The following FAM107A variants were observed in gnomAD, a reference collection of about 807,000 sequenced individuals.
FAM107A encodes the protein family with sequence similarity 107 member A.
In FAM107A, 19 loss-of-function variants were observed where a neutral mutation model predicts 13.7. That is an observed-to-expected ratio of 1.38 (90% CI 0.97 to 2.03). FAM107A has a LOEUF of 2.03. Ranked by LOEUF, FAM107A falls within the 30% of genes most tolerant of loss-of-function variation. The probability of loss-of-function intolerance (pLI) is 0.00; values close to 1 mark genes in which losing one functional copy is unlikely to be tolerated. For synonymous variants in FAM107A, 82 were observed against 74.5 expected (o/e 1.10, Z -0.52); for missense variants, 203 against 184.4 (o/e 1.10, Z -0.58).
At chr3:58,572,532 T>C (rs931742521) in intron 1 of FAM107A, among the ~76,000 whole-genome samples, 2 of 152,016 alleles carry the variant, frequency 1.3e-5, no homozygotes, top group Non-Finnish European at 1.5e-5. Flanking sequence ...CAAAAAGACA[T>C]AGTGTGCTGG....
chr3:58,627,042 G>A (rs1439457470), intron 1 of FAM107A: 4 of 1,531,278 alleles, frequency 2.6e-6, no homozygotes, highest in East Asian at 4.9e-5. Context: ...GGCCAGGCTG[G>A]GGTCCTCCCT....
intron 1 of FAM107A, among the ~76,000 whole-genome samples, chr3:58,622,298 G>A (rs897723746): frequency 3.3e-5 from 5 of 152,164 alleles, no homozygotes; most frequent in Non-Finnish European, 5.9e-5. Context: ...AAAATTAGCT[G>A]GGCGTGGTGA....
exon 1 of FAM107A, chr3:58,627,602 C>T (rs4681879): frequency 0.48 from 72,781 of 152,364 alleles, 18,284 homozygotes; most frequent in South Asian, 0.63. Flanking sequence ...CAGACTCCTT[C>T]ATTCAACTGG....
rs563886682 is a variant in FAM107A at position 58,595,445 on chromosome 3, A to G, written c.-69-6176T>C. On this transcript the variant is annotated intron_variant, in intron 1 of 3. Transcript: ENST00000465970. ...CTGCCCCACCTTAACTGATCAATTG[A>G]TCTTATGACAATACACCCTCCCTGC... 3.3e-5 allele frequency among the ~76,000 whole-genome samples: 5 copies of G among 152,228 alleles called. No individual in the cohort carries two copies. In the South Asian group the frequency reaches 1.0e-3, roughly 32 times the overall value.
At chr3:58,614,497 T>C (rs1383904825) in intron 1 of FAM107A, among the ~76,000 whole-genome samples, 1 of 145,544 alleles carries the variant, frequency 6.9e-6, no homozygotes, top group African/African-American at 2.8e-5. Flanking sequence ...TTCTTATCTT[T>C]CTTTCTTTCT....
Position 58,626,068 on chromosome 3 carries a change from G to A in FAM107A, c.-70+1348C>T, listed in dbSNP as rs375552270. Among the ~76,000 whole-genome samples the A allele has an allele frequency of 2.0e-5, 3 of 152,148 alleles. 1 individual carries two copies. Among genetic ancestry groups the A allele is most frequent in the South Asian group, 4.1e-4 (2 of 4,820 alleles). Reference sequence around the variant, plus strand: ...GAGGTCCAGAGGGGTTCAGGTCATCGCCACGGTAGGTGGGTGGTGGATCTG... The same window carrying A: ...GAGGTCCAGAGGGGTTCAGGTCATCACCACGGTAGGTGGGTGGTGGATCTG... On this transcript the variant is annotated intron_variant, in intron 1 of 3. Coordinates refer to the FAM107A transcript ENST00000465970.
rs1244721502 is a variant in FAM107A, at chr3:58,564,886, A to T, written c.*1702T>A. The T allele has an allele frequency of 2.0e-5, 3 of 152,264 alleles. No individual in the cohort carries two copies. The highest frequency in any genetic ancestry group is 2.1e-4 in the South Asian group (1 of 4,836). 9.4% of individuals were successfully genotyped at this position (152,264 alleles called of 1,614,324 possible). The stretch of plus-strand genomic sequence containing the variant: ...ACACGCACACAGGCGCAATATCTGC[A>T]TTTACAGCCCTGTGCTGGCAGCACA... On this transcript the variant is annotated 3_prime_UTR_variant, in exon 4 of 4. Coordinates refer to ENST00000360997, the MANE Select transcript of FAM107A (RefSeq NM_001076778.3). This position sits in a 1 kb window ranked among gnomAD's most constrained non-coding sequence, Gnocchi z 5.6.
intron 1 of FAM107A, among the ~76,000 whole-genome samples, chr3:58,595,507 G>A (rs982260846): frequency 7.9e-5 from 12 of 152,064 alleles, no homozygotes; most frequent in African/African-American, 2.9e-4. Context: ...CCTTAAGAAG[G>A]TATGTTGTAA....
At chr3:58,610,049 C>T (rs1261669069) in intron 1 of FAM107A, among the ~76,000 whole-genome samples, 1 of 152,182 alleles carries the variant, frequency 6.6e-6, no homozygotes, top group Non-Finnish European at 1.5e-5. Context: ...AGGCCATTCC[C>T]TTCTGGAGAC....
At chr3:58,584,469 A>G (rs553591990) in intron 1 of FAM107A, among the ~76,000 whole-genome samples, 24 of 152,280 alleles carry the variant, frequency 1.6e-4, no homozygotes, top group African/African-American at 5.8e-4. Context: ...TTTGGCATGG[A>G]TGGACCGCAG....
In FAM107A at chr3:58,569,420, A is replaced by G. The variant is rs1289045248; in HGVS notation, c.170+271T>C. On this transcript the variant is annotated intron_variant, in intron 2 of 3. Transcript: ENST00000360997. The surrounding 1 kb of genome is among the most constrained non-coding windows in gnomAD (Gnocchi z 5.7). ...GGTCTGGGCTCAGTGCCCAGCACAT[A>G]GTAGGTACTCAGTAAATGTATCTGG... Among the ~76,000 whole-genome samples the G allele has an allele frequency of 6.6e-6, 1 of 152,160 alleles. No individual in the cohort carries two copies. Among genetic ancestry groups the G allele is most frequent in the Non-Finnish European group, 1.5e-5 (1 of 68,022 alleles).
At chr3:58,624,183 C>T (rs1449158218) in intron 1 of FAM107A, among the ~76,000 whole-genome samples, 1 of 152,242 alleles carries the variant, frequency 6.6e-6, no homozygotes, top group African/African-American at 2.4e-5. Flanking sequence ...ACTCACCTCT[C>T]TGGCATCAAT....
Position 58,613,520 on chromosome 3 carries a change from C to A in FAM107A, c.-70+13896G>T, listed in dbSNP as rs190019735. On this transcript the variant is annotated intron_variant, in intron 1 of 3. Transcript: ENST00000465970. This position sits in a 1 kb window ranked among gnomAD's most constrained non-coding sequence, Gnocchi z 4.6. ...CCCCTGCCTGCTGCTCTGGCCTGAC[C>A]AACTTGCTCTCAGTGCCCTGAGTGC... Among the ~76,000 whole-genome samples the A allele has an allele frequency of 2.0e-5, 3 of 152,314 alleles. No individual in the cohort carries two copies. In the East Asian group the frequency reaches 5.8e-4, roughly 29 times the overall value.
chr3:58,578,740 C>T (rs2063749990), upstream of FAM107A, among the ~76,000 whole-genome samples: 1 of 152,132 alleles, frequency 6.6e-6, no homozygotes, highest in African/African-American at 2.4e-5. Flanking sequence ...ATCCTAGTTC[C>T]CCAGTGAGGA....
At chr3:58,620,588 C>T (rs2065944915) in intron 1 of FAM107A, among the ~76,000 whole-genome samples, 1 of 152,208 alleles carries the variant, frequency 6.6e-6, no homozygotes, top group African/African-American at 2.4e-5. Flanking sequence ...AAGTTTTAGT[C>T]TTGGAAGAGG....
At chr3:58,598,933 A>C (rs570018856) in intron 1 of FAM107A, among the ~76,000 whole-genome samples, 6 of 150,906 alleles carry the variant, frequency 4.0e-5, no homozygotes, top group Non-Finnish European at 5.9e-5. Context: ...GTTGCTTCCA[A>C]TTTTTCTTTT....
rs1048893200 is a variant in FAM107A, at chr3:58,565,905, A to G, written c.*683T>C. On this transcript the variant is annotated 3_prime_UTR_variant, in exon 4 of 4. Coordinates refer to ENST00000360997, the MANE Select transcript of FAM107A (RefSeq NM_001076778.3). ...AATCAAGTTTGTGAGGCACCGCTGC[A>G]GACTTCTGAGTGCAGGAATGCGGCA... is the stretch of plus-strand genomic sequence containing the variant. The G allele has an allele frequency of 6.6e-6, 1 of 152,256 alleles. No homozygotes were observed. Among genetic ancestry groups the G allele is most frequent in the Non-Finnish European group, 1.5e-5 (1 of 68,058 alleles). The allele number at this position is 152,256 out of a possible 1,614,324, so 9.4% of individuals were successfully genotyped here.
intron 1 of FAM107A, among the ~76,000 whole-genome samples, chr3:58,616,065 T>C (rs1222248702): frequency 6.6e-6 from 1 of 151,994 alleles, no homozygotes; most frequent in Non-Finnish European, 1.5e-5. Context: ...GAGCCCAGTG[T>C]GTATGGAGTA....
chr3:58,569,762 C>T lies in FAM107A; in HGVS notation c.99G>A (p.Lys33=), dbSNP rs2063662422. The part of the protein sequence containing the change: ...EWNPELIKPK[K]LLNPVKASRS... ...GAGAGGCCTTCACGGGGTTCAGCAG[C>T]TTCTTGGGCTTGATGAGCTCCGGAT... The change falls in exon 2 of 4, where the codon AAG becomes AAA. Residue 33 remains lysine, a synonymous_variant. Transcript: ENST00000360997. This position sits in a 1 kb window ranked among gnomAD's most constrained non-coding sequence, Gnocchi z 5.7. 1 of 1,614,046 alleles carries T rather than the reference C, an allele frequency of 6.2e-7. No individual in the cohort carries two copies. Among genetic ancestry groups the T allele is most frequent in the Non-Finnish European group, 8.5e-7 (1 of 1,180,012 alleles).
Sources: gnomAD v4.1 joint callset for allele counts (sites outside exome capture counted in the v4.1 genomes callset) on GRCh38, gnomAD v4.1.1 for gene constraint, Gnocchi (gnomAD v3.1) non-coding constraint, MANE v1.5 for transcripts, NCBI Gene and HGNC (gene_info 2026-07-23, HGNC 2026-07-21) for gene names.